Variants in CACNA1D observed in about 807,000 individuals in gnomAD.
CACNA1D encodes the protein calcium voltage-gated channel subunit alpha1 D, also known as voltage-dependent L-type calcium channel subunit alpha-1D.
In CACNA1D, 55 loss-of-function variants were observed where a neutral mutation model predicts 257.1. That is an observed-to-expected ratio of 0.21 (90% confidence interval 0.17 to 0.27). CACNA1D has a LOEUF of 0.27. Ranked by LOEUF, CACNA1D falls within the 10% of genes least tolerant of loss-of-function variation. The pLI is 1.00. For synonymous variants in CACNA1D, 980 were observed against 1,014.9 expected (o/e 0.97, Z 0.65); for missense variants, 1,876 against 2,784.0 (o/e 0.67, Z 7.34).
At chr3:53,584,838 G>T (rs2093187273) in intron 3 of CACNA1D, among the ~76,000 whole-genome samples, 1 of 146,118 alleles carries the variant, frequency 6.8e-6, no homozygotes, top group Admixed American at 6.8e-5. Flanking sequence ...TTGCAGTGCT[G>T]CACAGATGAC....
chr3:53,770,266 T>C (rs567368464), intron 31 of CACNA1D, among the ~76,000 whole-genome samples, 158 bp from the exon 32 acceptor site: 2 of 152,342 alleles, frequency 1.3e-5, no homozygotes, highest in Non-Finnish European at 2.9e-5. Flanking sequence ...TGTTAGCATG[T>C]AACTCTTCCT....
chr3:53,728,896 A>G (rs2094961415), intron 15 of CACNA1D, among the ~76,000 whole-genome samples: 2 of 152,316 alleles, frequency 1.3e-5, no homozygotes, highest in South Asian at 4.1e-4. Context: ...GGGTCTGAGT[A>G]ATGCCTCTCA....
chr3:53,497,144 C>G lies in CACNA1D; in HGVS notation c.68-8C>G. On this transcript the variant is annotated splice_region_variant and splice_polypyrimidine_tract_variant and intron_variant, in intron 1 of 47. Transcript: ENST00000350061. ...AAAAAAAATCTTTGTTTTTCTCCTT[C>G]TCCCCAGAGGCAAACTATGCAAGAG... The G allele has an allele frequency of 1.2e-6, 2 of 1,612,762 alleles. No individual in the cohort carries two copies. The highest frequency in any genetic ancestry group is 1.7e-6 in the Non-Finnish European group (2 of 1,179,302).
chr3:53,637,548 A>C (rs1323759834), intron 3 of CACNA1D, among the ~76,000 whole-genome samples: 1 of 152,134 alleles, frequency 6.6e-6, no homozygotes, highest in Non-Finnish European at 1.5e-5. Context: ...ATAATCCCCT[A>C]GTAACTCCTC....
At chr3:53,745,334 G>A (rs1326487550) in intron 23 of CACNA1D, among the ~76,000 whole-genome samples, 1 of 151,086 alleles carries the variant, frequency 6.6e-6, no homozygotes, top group Non-Finnish European at 1.5e-5. Flanking sequence ...TCTGCCTCCT[G>A]GGGTCAAGCA....
At chr3:53,554,069 G>T (rs1197446659) in intron 3 of CACNA1D, among the ~76,000 whole-genome samples, 1 of 151,894 alleles carries the variant, frequency 6.6e-6, no homozygotes, top group Admixed American at 6.6e-5. Context: ...GGTGGTGGGT[G>T]CCTATAGTCC....
intron 9 of CACNA1D, among the ~76,000 whole-genome samples, chr3:53,709,692 C>T (rs2094729326): frequency 6.6e-6 from 1 of 152,196 alleles, no homozygotes; most frequent in South Asian, 2.1e-4. Flanking sequence ...AATCATGGGG[C>T]TGCAAGGGGT....
intron 3 of CACNA1D, among the ~76,000 whole-genome samples, chr3:53,599,033 A>G (rs998678316): frequency 1.3e-5 from 2 of 151,330 alleles, no homozygotes; most frequent in African/African-American, 4.9e-5. Context: ...TTTTAATACC[A>G]TAGGTGTGTT....
At chr3:53,668,072 A>G (rs1278805464) in intron 7 of CACNA1D, among the ~76,000 whole-genome samples, 1 of 152,122 alleles carries the variant, frequency 6.6e-6, no homozygotes, top group Non-Finnish European at 1.5e-5. Flanking sequence ...TTTTTCATAA[A>G]TAGAAAAAGC....
At chr3:53,599,014 CT>C (rs5848999) in intron 3 of CACNA1D, among the ~76,000 whole-genome samples, 143,436 of 148,528 alleles carry the variant, frequency 0.97, 69,264 homozygotes, top group East Asian at 1. Flanking sequence ...ATTGGTGTGC[CT>C]TTTTTTTTTT....
Position 53,633,738 on chromosome 3 carries a change from CAG to C in CACNA1D, c.484-17040_484-17039del, listed in dbSNP as rs573762930. Among the ~76,000 whole-genome samples the C allele has an allele frequency of 1.3e-4, 20 of 152,296 alleles. No homozygotes were observed. The East Asian group carries it at 3.7e-3, about 28-fold the overall frequency. On this transcript the variant is annotated intron_variant, in intron 3 of 47. Transcript: ENST00000350061. The stretch of plus-strand genomic sequence containing the variant: ...CACCTATTTGCCCTTTACTGGTAAT[CAG>C]GGGTAATCCTGTCCCATATCTGTAC...
Position 53,537,659 on chromosome 3 carries a change from T to A in CACNA1D, c.483+35939T>A, listed in dbSNP as rs542020634. 1.2e-3 allele frequency among the ~76,000 whole-genome samples: 178 copies of A among 152,324 alleles called. 1 individual carries two copies. Among genetic ancestry groups the A allele is most frequent in the South Asian group, 7.7e-3 (37 of 4,826 alleles). On this transcript the variant is annotated intron_variant, in intron 3 of 47. Coordinates refer to ENST00000350061, the MANE Select transcript of CACNA1D (RefSeq NM_001128840.3). Reference sequence around the variant, plus strand: ...ATGTCATAGTTTATTTTACTCTCTTTGAATTAGGATACAGGTAGGTTTCAC... The same window carrying A: ...ATGTCATAGTTTATTTTACTCTCTTAGAATTAGGATACAGGTAGGTTTCAC...
intron 3 of CACNA1D, among the ~76,000 whole-genome samples, chr3:53,525,657 A>G (rs1199370286): frequency 6.6e-6 from 1 of 152,146 alleles, no homozygotes; most frequent in African/African-American, 2.4e-5. Flanking sequence ...TAATTCCCAT[A>G]TATTTGGAGC....
intron 3 of CACNA1D, among the ~76,000 whole-genome samples, chr3:53,616,980 T>C (rs1282161994): frequency 6.6e-6 from 1 of 152,142 alleles, no homozygotes; most frequent in Non-Finnish European, 1.5e-5. Context: ...GTTTGACTTA[T>C]GCCTCTTGAA....
intron 30 of CACNA1D, among the ~76,000 whole-genome samples, chr3:53,769,367 T>C (rs1190432925): frequency 6.6e-6 from 1 of 152,242 alleles, no homozygotes; most frequent in Admixed American, 6.5e-5. Flanking sequence ...GTCTGAGCTG[T>C]GGGGCAGGCA....
chr3:53,494,987 A>T lies in CACNA1D; in HGVS notation c.-180A>T. 2.5e-6 allele frequency: 1 copy of T among 407,054 alleles called. No individual in the cohort carries two copies. The highest frequency in any genetic ancestry group is 4.7e-6 in the Non-Finnish European group (1 of 211,536). The allele number at this position is 407,054 out of a possible 1,614,324, so 25.2% of individuals were successfully genotyped here. ...TTGGGTGGCGAGCGGTTTTTTTTTTAAATCAATTATCCTTATTTTCTGTTA... is the reference window on the plus strand; with the variant it reads ...TTGGGTGGCGAGCGGTTTTTTTTTTTAATCAATTATCCTTATTTTCTGTTA... On this transcript the variant is annotated 5_prime_UTR_variant, in exon 1 of 48. Coordinates refer to ENST00000350061, the MANE Select transcript of CACNA1D (RefSeq NM_001128840.3).
chr3:53,738,882 G>A (rs1281929625), intron 20 of CACNA1D, among the ~76,000 whole-genome samples: 5 of 151,710 alleles, frequency 3.3e-5, no homozygotes, highest in Non-Finnish European at 5.9e-5. Context: ...TGGGCTACTA[G>A]ATGCTTTCCA....
chr3:53,724,199 A>AT (rs973791397), intron 14 of CACNA1D, among the ~76,000 whole-genome samples, 200 bp downstream of exon 14: 58 of 152,242 alleles, frequency 3.8e-4, no homozygotes, highest in African/African-American at 1.2e-3. Flanking sequence ...AAGTGATGTA[A>AT]TTTTTTTAAA....
intron 3 of CACNA1D, among the ~76,000 whole-genome samples, chr3:53,553,912 A>G (rs67495732): frequency 0.16 from 23,780 of 151,024 alleles, 1,898 homozygotes; most frequent in Middle Eastern, 0.19. Context: ...GTGGAAAATC[A>G]TGGGCTGGGC....
Sources: allele counts gnomAD v4.1 joint callset (sites outside exome capture counted in the v4.1 genomes callset), GRCh38; gene constraint gnomAD v4.1.1; transcripts MANE v1.5; gene names NCBI Gene and HGNC (gene_info 2026-07-23, HGNC 2026-07-21).